SNX19: variants seen among roughly 807,000 people sequenced by gnomAD.
The protein encoded by SNX19 is sorting nexin-19.
SNX19 carries 60 observed loss-of-function variants against 85.2 expected under a neutral mutation model. The observed-to-expected ratio is 0.70, with a 90% CI of 0.57 to 0.87. SNX19 has a LOEUF of 0.87. Among genes scored for constraint, SNX19 ranks in the 40% least tolerant of loss-of-function variants. SNX19 has a pLI of 0.00. For synonymous variants in SNX19, 520 were observed against 470.0 expected (o/e 1.11, Z -1.38); for missense variants, 1,201 against 1,217.8 (o/e 0.99, Z 0.21).
intron 8 of SNX19, among the ~76,000 whole-genome samples, chr11:130,888,744 T>C (rs1249944590): frequency 6.6e-6 from 1 of 152,252 alleles, no homozygotes; most frequent in African/African-American, 2.4e-5. Context: ...TGTTTCTTAA[T>C]GACCTTAGGT....
chr11:130,903,716 TACACACACAC>T (rs35654790), intron 7 of SNX19, among the ~76,000 whole-genome samples: 18 of 143,382 alleles, frequency 1.3e-4, no homozygotes, highest in South Asian at 9.1e-4. Flanking sequence ...TATATACACA[TACACACACAC>T]ACACACACAC....
intron 8 of SNX19, among the ~76,000 whole-genome samples, chr11:130,902,434 G>A (rs541016173): frequency 1.3e-5 from 2 of 152,296 alleles, no homozygotes; most frequent in African/African-American, 4.8e-5. Context: ...TTATAAGGAT[G>A]TATTTTTTGA....
chr11:130,900,754 C>T (rs1447382150), intron 8 of SNX19, among the ~76,000 whole-genome samples: 1 of 152,056 alleles, frequency 6.6e-6, no homozygotes, highest in African/African-American at 2.4e-5. Context: ...TTAGATCACA[C>T]ACTAGCTAGT....
chr11:130,894,975 T>C (rs1944775809), intron 8 of SNX19: 5 of 985,436 alleles, frequency 5.1e-6, no homozygotes, highest in Non-Finnish European at 6.0e-6. Context: ...AAGTGGTTTG[T>C]TCTAAGTCAC....
chr11:130,899,498 T>C (rs975947581), intron 8 of SNX19, among the ~76,000 whole-genome samples: 1 of 152,224 alleles, frequency 6.6e-6, no homozygotes, highest in Non-Finnish European at 1.5e-5. Flanking sequence ...AAATGATTTG[T>C]AGGGATACAT....
chr11:130,892,822 A>ACAGCAAGCCTGGCT (rs1305886020), intron 8 of SNX19: 1 of 152,240 alleles, frequency 6.6e-6, no homozygotes, highest in Non-Finnish European at 1.5e-5. Context: ...CCCCGTGTGA[A>ACAGCAAGCCTGGCT]CAGCAAGCCT....
chr11:130,889,535 A>T (rs2135319538), intron 8 of SNX19, among the ~76,000 whole-genome samples: 1 of 118,490 alleles, frequency 8.4e-6, no homozygotes, highest in South Asian at 3.0e-4. Context: ...CAAAACTTTG[A>T]GTGATACCTT....
At chr11:130,894,917 T>C (rs1944769364) in intron 8 of SNX19, 1 of 985,474 alleles carries the variant, frequency 1.0e-6, no homozygotes, top group Non-Finnish European at 1.2e-6. Flanking sequence ...AAGAACTTCA[T>C]GCACTAGGCT....
In SNX19 at chr11:130,874,118, G is replaced by C. The variant is rs1338557210; in HGVS notation, c.*4304C>G. ...GCTCACTGCAGCCTCAAATTCCTGG[G>C]CTCAAGTGATCCTCCTGCCTCAGCC... is the stretch of plus-strand genomic sequence containing the variant. On this transcript the variant is annotated 3_prime_UTR_variant, in exon 11 of 11. Transcript: ENST00000265909. Among the ~76,000 whole-genome samples, 1 of 151,940 alleles carries C rather than the reference G, an allele frequency of 6.6e-6. No individual in the cohort carries two copies. Among genetic ancestry groups the C allele is most frequent in the Non-Finnish European group, 1.5e-5 (1 of 67,984 alleles).
rs11222369 is a variant in SNX19 at position 130,874,775 on chromosome 11, A to G, written c.*3647T>C. ...CCTGGGTAGGACACAGGAAGACTCA[A>G]AAATGTTCTAGGCTATGCAAATCAA... On this transcript the variant is annotated 3_prime_UTR_variant, in exon 11 of 11. Transcript: ENST00000265909. Among the ~76,000 whole-genome samples, 66,505 of 152,018 alleles carry G rather than the reference A, an allele frequency of 0.44. 14,830 individuals carry two copies. The highest frequency in any genetic ancestry group is 0.57 in the South Asian group (2,728 of 4,818).
chr11:130,892,739 C>T (rs1301084544), intron 8 of SNX19: 1 of 151,954 alleles, frequency 6.6e-6, no homozygotes, highest in East Asian at 1.9e-4. Flanking sequence ...AACCAGACCT[C>T]CATGTACCAA....
intron 8 of SNX19, among the ~76,000 whole-genome samples, chr11:130,882,102 G>A (rs562569672): frequency 6.6e-6 from 1 of 152,302 alleles, no homozygotes; most frequent in South Asian, 2.1e-4. Flanking sequence ...AGTTCAGCTG[G>A]AAACCTAGAA....
In SNX19 at chr11:130,908,011, C is replaced by A. The variant is rs200362831; in HGVS notation, c.2107G>T (p.Glu703Ter). 3 of 1,614,066 alleles carry A rather than the reference C, an allele frequency of 1.9e-6. No individual in the cohort carries two copies. Among genetic ancestry groups the A allele is most frequent in the African/African-American group, 2.7e-5 (2 of 74,926 alleles). Reference sequence around the variant, plus strand: ...CTTTCGGTCTCGGCCTCACTCAGCTCCTCTGTGGGGCTCTGGGGTTCAGAG... The same window carrying A: ...CTTTCGGTCTCGGCCTCACTCAGCTACTCTGTGGGGCTCTGGGGTTCAGAG... ...PRSEPQSPTE[E>*]LSEAETESKP... The change falls in exon 5 of 11, where the codon GAG becomes TAG. Residue 703 changes from glutamate (E) to a stop codon, truncating the protein, a stop_gained. Coordinates refer to ENST00000265909, the MANE Select transcript of SNX19 (RefSeq NM_014758.3). LOFTEE classifies it high-confidence loss of function.
In SNX19 at chr11:130,874,583, A is replaced by G. The variant is rs1176380428; in HGVS notation, c.*3839T>C. Among the ~76,000 whole-genome samples the G allele has an allele frequency of 1.3e-5, 2 of 152,226 alleles. No homozygotes were observed. The highest frequency in any genetic ancestry group is 2.9e-5 in the Non-Finnish European group (2 of 68,038). On this transcript the variant is annotated 3_prime_UTR_variant, in exon 11 of 11. Transcript: ENST00000265909. ...TCCTGGGCTTACCTACTCACGTACT[A>G]ATGTTATGAAATAAAATAAATTTTC...
In SNX19 at chr11:130,899,745, A is replaced by C. The variant is rs1945132993; in HGVS notation, c.2573+3510T>G. ...TGGAAATATGTACAATGAACCAAAG[A>C]TAACAGGCCATAGTTACAACAAGTT... On this transcript the variant is annotated intron_variant, in intron 8 of 10. Coordinates refer to ENST00000265909, the MANE Select transcript of SNX19 (RefSeq NM_014758.3). Among the ~76,000 whole-genome samples, 3 of 152,252 alleles carry C rather than the reference A, an allele frequency of 2.0e-5. No homozygotes were observed. The South Asian group carries it at 6.2e-4, about 31-fold the overall frequency.
chr11:130,893,594 C>T lies in SNX19; in HGVS notation c.2573+9661G>A, dbSNP rs530206253. On this transcript the variant is annotated intron_variant, in intron 8 of 10. Coordinates refer to ENST00000265909, the MANE Select transcript of SNX19 (RefSeq NM_014758.3). The stretch of plus-strand genomic sequence containing the variant: ...TTTCCAAGTAGAAGGCCATCTATCC[C>T]GTTATGAAGGACGTAGGGACACCGA... Among the ~76,000 whole-genome samples the T allele has an allele frequency of 6.6e-5, 10 of 152,200 alleles. No individual in the cohort carries two copies. In the East Asian group the frequency reaches 1.2e-3, roughly 18 times the overall value.
At chr11:130,880,423 G>T (rs969723771) in intron 9 of SNX19, among the ~76,000 whole-genome samples, 199 bp downstream of exon 9, 5 of 152,154 alleles carry the variant, frequency 3.3e-5, no homozygotes, top group African/African-American at 1.2e-4. Context: ...CATTCCCTTG[G>T]CATCAGCTGA....
chr11:130,893,191 G>C (rs1323455454), intron 8 of SNX19: 1 of 152,510 alleles, frequency 6.6e-6, no homozygotes, highest in Admixed American at 6.5e-5. Flanking sequence ...GGTTGCAGGA[G>C]GCAGAAGTGA....
chr11:130,893,824 T>C (rs1397362184), intron 8 of SNX19: 1 of 702,106 alleles, frequency 1.4e-6, no homozygotes, highest in African/African-American at 1.7e-5. Context: ...CTCCGAGAAA[T>C]CTTTCGGGGC....
Sources: gnomAD v4.1 joint callset for allele counts (sites outside exome capture counted in the v4.1 genomes callset) on GRCh38, gnomAD v4.1.1 for gene constraint, MANE v1.5 for transcripts, NCBI Gene and HGNC (gene_info 2026-07-23, HGNC 2026-07-21) for gene names.